The following MYH15 variants were observed in gnomAD, a reference collection of about 807,000 sequenced individuals.
The protein encoded by MYH15 is myosin-15.
MYH15 carries 227 observed loss-of-function variants against 240.5 expected under a neutral mutation model. That is an observed-to-expected ratio of 0.94 (90% CI 0.85 to 1.05). The LOEUF (loss-of-function observed/expected upper bound fraction) is 1.05. Ranked by LOEUF, MYH15 falls within the 50% of genes least tolerant of loss-of-function variation. MYH15 has a pLI of 0.00. For missense variants in MYH15, 2,217 were observed against 2,247.5 expected (o/e 0.99, Z 0.27); for synonymous variants, 785 against 796.7 (o/e 0.99, Z 0.25).
At position 108,405,449 on chromosome 3, in the gene MYH15, G is replaced by T. The variant is rs759650578; in HGVS notation, c.4625C>A (p.Ala1542Asp). 2.0e-5 allele frequency: 30 copies of T among 1,500,138 alleles called. 1 individual carries two copies. In the South Asian group the frequency reaches 3.3e-4, roughly 17 times the overall value. The allele number at this position is 1,500,138 out of a possible 1,614,324, so 92.9% of individuals were successfully genotyped here. Reference sequence around the variant, plus strand: ...AATCTTGCTTTCATTACGTTCCAGGGCTCCCTGGAATACATAAATAAAAAG... The same window carrying T: ...AATCTTGCTTTCATTACGTTCCAGGTCTCCCTGGAATACATAAATAAAAAG... ...VQVTLEETEG[A>D]LERNESKILH... The change falls in exon 33 of 41, where the codon GCC (alanine) becomes GAC (aspartate). Residue 1542 changes from alanine to aspartate, a missense_variant. By Grantham distance (126) the Ala-to-Asp change is moderately radical (BLOSUM62 -2). Transcript: ENST00000693548.
chr3:108,451,864 G>C (rs976412304), intron 21 of MYH15, among the ~76,000 whole-genome samples: 4 of 151,746 alleles, frequency 2.6e-5, no homozygotes, highest in African/African-American at 9.7e-5. Flanking sequence ...CACATTTATA[G>C]ATTAATTCAG....
chr3:108,534,386 T>C, the MYH15 span, among the ~76,000 whole-genome samples: 24 of 152,334 alleles, frequency 1.6e-4, 1 homozygote, highest in Middle Eastern at 0.017. Flanking sequence ...ATCAAACCAA[T>C]GACATTTAAA....
upstream of MYH15, among the ~76,000 whole-genome samples, chr3:108,511,159 G>C (rs1254513623): frequency 6.6e-6 from 1 of 151,988 alleles, no homozygotes; most frequent in Non-Finnish European, 1.5e-5. Context: ...CCCCCAAGCA[G>C]ACAGACCGTT....
At chr3:108,476,140 G>A (rs1453849078) in intron 12 of MYH15, among the ~76,000 whole-genome samples, 1 of 152,158 alleles carries the variant, frequency 6.6e-6, no homozygotes, top group Non-Finnish European at 1.5e-5. Context: ...AACAAGTGGA[G>A]GGTTTGTCTG....
chr3:108,444,647 A>G lies in MYH15; in HGVS notation c.2648T>C (p.Leu883Pro), dbSNP rs754911212. ...AATGGTGGGGCTACTCACAGCCTGAAGCTGAAGAATCAGGTCATTTTTTTC... is the reference window on the plus strand; with the variant it reads ...AATGGTGGGGCTACTCACAGCCTGAGGCTGAAGAATCAGGTCATTTTTTTC... ...TQEKNDLILQ[L>P]QAEQETLANV... Residue 883 changes from leucine (L) to proline (P), a missense_variant, in exon 22 of 41, where the codon CTT becomes CCT. By Grantham distance (98) the Leu-to-Pro change is moderately conservative. Coordinates refer to ENST00000693548, the MANE Select transcript of MYH15 (RefSeq NM_014981.3). 1 of 1,613,996 alleles carries G rather than the reference A, an allele frequency of 6.2e-7. No individual in the cohort carries two copies. Among genetic ancestry groups the G allele is most frequent in the Non-Finnish European group, 8.5e-7 (1 of 1,179,938 alleles).
intron 35 of MYH15, among the ~76,000 whole-genome samples, chr3:108,396,094 C>G (rs773001700): frequency 6.6e-6 from 1 of 152,154 alleles, no homozygotes; most frequent in Non-Finnish European, 1.5e-5. Context: ...GCCCTAGAGA[C>G]CAGGTCTCCT....
chr3:108,464,855 A>G (rs1394489685), intron 14 of MYH15, 41 bp from the exon 15 acceptor site: 2 of 1,522,298 alleles, frequency 1.3e-6, no homozygotes, highest in Non-Finnish European at 1.8e-6. Flanking sequence ...CTTTAAAAAC[A>G]CCGGCACTTT....
upstream of MYH15, chr3:108,510,598 A>G (rs2083514778): frequency 2.5e-6 from 4 of 1,597,604 alleles, no homozygotes; most frequent in Non-Finnish European, 3.4e-6. Flanking sequence ...CTGAAAAAAA[A>G]AAATTGATAC....
rs529908544 is a variant in MYH15 at position 108,383,829 on chromosome 3, A to T, written c.5632-100T>A. On this transcript the variant is annotated intron_variant, in intron 39 of 40. Coordinates refer to ENST00000693548, the MANE Select transcript of MYH15 (RefSeq NM_014981.3). ...TGAGAAAGTTGAATAATGTGAAAAG[A>T]ATCTAAACTTCTGAGTATTGAATGG... 4.1e-6 allele frequency: 4 copies of T among 971,170 alleles called. No homozygotes were observed. The South Asian group carries it at 8.3e-5, about 20-fold the overall frequency. 60.2% of individuals were successfully genotyped at this position (971,170 alleles called of 1,614,324 possible).
intron 11 of MYH15, among the ~76,000 whole-genome samples, chr3:108,480,189 G>A (rs2083255755): frequency 1.3e-5 from 2 of 149,916 alleles, no homozygotes; most frequent in Admixed American, 1.3e-4. Flanking sequence ...CTGCATGACT[G>A]GGGAAGGATT....
rs1169023362 is a variant in MYH15, at chr3:108,384,714, T to G, written c.5604A>C (p.Gln1868His). ...TQMDKLQLKV[Q>H]NYKQQVEVAE... ...CCACCTCGACTTGCTGCTTGTAATT[T>G]TGCACTTTTAGCTGAAGTTTATCCA... Residue 1868 changes from glutamine to histidine, a missense_variant, in exon 39 of 41, where the codon CAA becomes CAC. Physicochemically the swap from Gln to His is conservative, Grantham distance 24. Transcript: ENST00000693548. 5 of 1,613,854 alleles carry G rather than the reference T, an allele frequency of 3.1e-6. No individual in the cohort carries two copies. The East Asian group carries it at 1.1e-4, about 36-fold the overall frequency.
At chr3:108,446,089 T>C (rs1485142149) in intron 21 of MYH15, among the ~76,000 whole-genome samples, 2 of 152,084 alleles carry the variant, frequency 1.3e-5, no homozygotes, top group Admixed American at 1.3e-4. Flanking sequence ...ACCCAGACTC[T>C]AGGACCATCC....
chr3:108,498,570 T>G (rs1227835159), intron 5 of MYH15, among the ~76,000 whole-genome samples: 1 of 152,194 alleles, frequency 6.6e-6, no homozygotes, highest in Non-Finnish European at 1.5e-5. Flanking sequence ...AGTTGGGCTT[T>G]AGGCTTTACC....
At chr3:108,522,813 G>A (rs959328104) in intron 1 of MYH15, among the ~76,000 whole-genome samples, 5 of 152,052 alleles carry the variant, frequency 3.3e-5, no homozygotes, top group Non-Finnish European at 7.4e-5. Flanking sequence ...TAAAACATCC[G>A]TTATTCCTTC....
chr3:108,525,752 C>T (rs1240017912), intron 1 of MYH15, among the ~76,000 whole-genome samples: 1 of 151,950 alleles, frequency 6.6e-6, no homozygotes, highest in East Asian at 1.9e-4. Context: ...AAAGCAGATG[C>T]CATGACTTAT....
intron 28 of MYH15, among the ~76,000 whole-genome samples, chr3:108,418,490 C>T (rs1158787246): frequency 6.6e-6 from 1 of 152,194 alleles, no homozygotes; most frequent in African/African-American, 2.4e-5. Flanking sequence ...ACCATCAATA[C>T]AAATGGCAAA....
At chr3:108,506,236 A>G (rs2083474661) in intron 1 of MYH15, among the ~76,000 whole-genome samples, 1 of 152,018 alleles carries the variant, frequency 6.6e-6, no homozygotes, top group Admixed American at 6.6e-5. Context: ...GTGAAAATTT[A>G]GATTAATGGT....
intron 1 of MYH15, among the ~76,000 whole-genome samples, chr3:108,525,253 A>T (rs1191630108): frequency 6.6e-6 from 1 of 152,050 alleles, no homozygotes; most frequent in Admixed American, 6.6e-5. Context: ...ATGTTATACT[A>T]CTCTAAATAA....
chr3:108,411,449 T>G (rs1471957600), intron 30 of MYH15, among the ~76,000 whole-genome samples: 1 of 152,228 alleles, frequency 6.6e-6, no homozygotes, highest in African/African-American at 2.4e-5. Context: ...TCTCCGAGTT[T>G]GTTCTCCACC....
Sources: allele counts gnomAD v4.1 joint callset (sites outside exome capture counted in the v4.1 genomes callset), GRCh38; gene constraint gnomAD v4.1.1; transcripts MANE v1.5; gene names NCBI Gene and HGNC (gene_info 2026-07-23, HGNC 2026-07-21).